Variants in CNTN2 observed in about 807,000 individuals in gnomAD.
The protein encoded by CNTN2 is contactin-2.
In CNTN2, 53 loss-of-function variants were observed where a neutral mutation model predicts 117.5. The observed-to-expected ratio is 0.45, with a 90% CI of 0.36 to 0.57. The LOEUF is 0.57. Ranked by LOEUF, CNTN2 falls within the 20% of genes least tolerant of loss-of-function variation. The probability of loss-of-function intolerance (pLI) is 0.00; values close to 1 mark genes in which losing one functional copy is unlikely to be tolerated. For missense variants in CNTN2, 1,106 were observed against 1,404.3 expected, an observed-to-expected ratio of 0.79 and a Z score of 3.39; for synonymous variants, 530 against 561.7, an observed-to-expected ratio of 0.94 and a Z score of 0.80.
At chr1:205,063,866 G>C (rs1372910607) in intron 10 of CNTN2, among the ~76,000 whole-genome samples, 1 of 151,838 alleles carries the variant, frequency 6.6e-6, no homozygotes, top group African/African-American at 2.4e-5. Context: ...CAAAGCTCTG[G>C]AGGCAGGAAA....
chr1:205,048,700 G>A lies in CNTN2; in HGVS notation c.-86-4400G>A, dbSNP rs116082426. 2.5e-3 allele frequency among the ~76,000 whole-genome samples: 388 copies of A among 152,304 alleles called. 1 individual carries two copies. Among genetic ancestry groups the A allele is most frequent in the Non-Finnish European group, 4.3e-3 (291 of 68,026 alleles). ...AGATGGTATGGGGAGATGACTGATC[G>A]GTGAACTCATGAGCGCATTCTAGGC... On this transcript the variant is annotated intron_variant, in intron 1 of 22. Transcript: ENST00000331830. This position sits in a 1 kb window ranked among gnomAD's most constrained non-coding sequence, Gnocchi z 4.1.
Position 205,058,719 on chromosome 1 carries a change from C to A in CNTN2, c.487+56C>A. 7.3e-7 allele frequency: 1 copy of A among 1,374,144 alleles called. No individual in the cohort carries two copies. The highest frequency in any genetic ancestry group is 1.0e-6 in the Non-Finnish European group (1 of 982,582). The allele number at this position is 1,374,144 out of a possible 1,614,324, so 85.1% of individuals were successfully genotyped here. A position where few individuals can be genotyped will look rare whatever the true frequency, so the allele number is the denominator to read the frequency against. ...AGGGCACAGGAAGGGCTTCCAGATG[C>A]TTGGCAGAGGAAGGATGGAATAAAA... On this transcript the variant is annotated intron_variant, in intron 5 of 22. Coordinates refer to ENST00000331830, the MANE Select transcript of CNTN2 (RefSeq NM_005076.5). This position sits in a 1 kb window ranked among gnomAD's most constrained non-coding sequence, Gnocchi z 4.3.
At chr1:205,068,749 G>A (rs1174670230) in intron 16 of CNTN2, 1 of 152,214 alleles carries the variant, frequency 6.6e-6, no homozygotes, top group Non-Finnish European at 1.5e-5. Context: ...TGGCCAATGT[G>A]TTTAAGTACC....
At position 205,053,133 on chromosome 1, in the gene CNTN2, A is replaced by G; in HGVS notation, c.-53A>G. 2 of 1,473,082 alleles carry G rather than the reference A, an allele frequency of 1.4e-6. No individual in the cohort carries two copies. Among genetic ancestry groups the G allele is most frequent in the Admixed American group, 3.7e-5 (2 of 54,546 alleles). 91.3% of individuals were successfully genotyped at this position (1,473,082 alleles called of 1,614,324 possible). A position where few individuals can be genotyped will look rare whatever the true frequency, so the allele number is the denominator to read the frequency against. The stretch of plus-strand genomic sequence containing the variant: ...TCAGCCTCCAGCTGGGCTGTCCCCA[A>G]GCTGAGCTGAGGCTCTTCTCCTCCG... On this transcript the variant is annotated 5_prime_UTR_variant, in exon 2 of 23. Coordinates refer to ENST00000331830, the MANE Select transcript of CNTN2 (RefSeq NM_005076.5).
chr1:205,071,678 G>A (rs2151199745), intron 19 of CNTN2, among the ~76,000 whole-genome samples: 1 of 152,290 alleles, frequency 6.6e-6, no homozygotes, highest in East Asian at 1.9e-4. Flanking sequence ...GGTTCCAGCA[G>A]GCCATTGCTA....
At chr1:205,057,571 T>C in intron 2 of CNTN2, 1 of 177,278 alleles carries the variant, frequency 5.6e-6, no homozygotes, top group Non-Finnish European at 1.2e-5. Flanking sequence ...CTTAATCATC[T>C]TTACAAGCCA....
At chr1:205,066,244 A>C in intron 14 of CNTN2, 197 bp from the exon 15 acceptor site, 1 of 640,790 alleles carries the variant, frequency 1.6e-6, no homozygotes, top group Non-Finnish European at 2.7e-6. Flanking sequence ...GCCTTGAGAC[A>C]CATCCCTCCA....
intron 1 of CNTN2, among the ~76,000 whole-genome samples, chr1:205,047,788 A>T (rs555864521): frequency 2.6e-5 from 4 of 152,124 alleles, no homozygotes; most frequent in Non-Finnish European, 1.5e-5. Flanking sequence ...GAGATTTCTC[A>T]GTTCTAAGAT....
rs775748644 is a variant in CNTN2 at position 205,065,765 on chromosome 1, G to A, written c.1696-24G>A. On this transcript the variant is annotated intron_variant, in intron 13 of 22. Transcript: ENST00000331830. This position sits in a 1 kb window ranked among gnomAD's most constrained non-coding sequence, Gnocchi z 4.1. ...GTCAGGGCCGGTGGTCTGACCTGCTGCCCCTAACTGTCCCCGTGTGCAGAA... is the reference window on the plus strand; with the variant it reads ...GTCAGGGCCGGTGGTCTGACCTGCTACCCCTAACTGTCCCCGTGTGCAGAA... 4 of 1,613,636 alleles carry A rather than the reference G, an allele frequency of 2.5e-6. No homozygotes were observed. Among genetic ancestry groups the A allele is most frequent in the Non-Finnish European group, 3.4e-6 (4 of 1,179,944 alleles).
chr1:205,074,079 A>G lies in CNTN2; in HGVS notation c.*314A>G, dbSNP rs1236871126. On this transcript the variant is annotated 3_prime_UTR_variant, in exon 23 of 23. Coordinates refer to ENST00000331830, the MANE Select transcript of CNTN2 (RefSeq NM_005076.5). Reference sequence around the variant, plus strand: ...ATGGGAAGAAGGGGGTTTTAAAAACATGTCTTCAACTCAGCAGAGATGGCC... The same window carrying G: ...ATGGGAAGAAGGGGGTTTTAAAAACGTGTCTTCAACTCAGCAGAGATGGCC... 2 of 572,044 alleles carry G rather than the reference A, an allele frequency of 3.5e-6. No individual in the cohort carries two copies. Among genetic ancestry groups the G allele is most frequent in the Non-Finnish European group, 6.2e-6 (2 of 322,562 alleles). The allele number at this position is 572,044 out of a possible 1,614,324, so 35.4% of individuals were successfully genotyped here. A position where few individuals can be genotyped will look rare whatever the true frequency, so the allele number is the denominator to read the frequency against.
rs2151203877 is a variant in CNTN2 at position 205,077,529 on chromosome 1, G to A, written c.*3764G>A. The A allele has an allele frequency of 6.6e-6, 1 of 152,342 alleles. No individual in the cohort carries two copies. Among genetic ancestry groups the A allele is most frequent in the South Asian group, 2.1e-4 (1 of 4,824 alleles). The allele number at this position is 152,342 out of a possible 1,614,324, so 9.4% of individuals were successfully genotyped here. On this transcript the variant is annotated 3_prime_UTR_variant, in exon 23 of 23. Coordinates refer to ENST00000331830, the MANE Select transcript of CNTN2 (RefSeq NM_005076.5). ...GGATGTGATGGGGATTGCCAGAGAG[G>A]CTCTTAGCATAAAAGGCATTAGGTG...
rs1349394076 is a variant in CNTN2 at position 205,069,567 on chromosome 1, C to T, written c.2196+6C>T. 2 of 1,612,262 alleles carry T rather than the reference C, an allele frequency of 1.2e-6. No individual in the cohort carries two copies. The highest frequency in any genetic ancestry group is 1.7e-6 in the Non-Finnish European group (2 of 1,179,916). ...AGCTCATCGTCAACTGGACGGTAAG[C>T]TGCAAGGGTCAGATGTCCTCCTCCT... is the stretch of plus-strand genomic sequence containing the variant. On this transcript the variant is annotated splice_donor_region_variant and intron_variant, in intron 17 of 22. Transcript: ENST00000331830.
At chr1:205,063,284 C>G (rs1654085539) in intron 10 of CNTN2, 1 of 152,082 alleles carries the variant, frequency 6.6e-6, no homozygotes, top group Non-Finnish European at 1.5e-5. Flanking sequence ...ACAAATAAAC[C>G]CCAAATCAAA....
intron 2 of CNTN2, among the ~76,000 whole-genome samples, chr1:205,053,887 A>T (rs1035176441): frequency 6.8e-6 from 1 of 147,924 alleles, no homozygotes; most frequent in Non-Finnish European, 1.5e-5. Context: ...GCGGCAGACG[A>T]GGGAGCTGAG....
intron 1 of CNTN2, among the ~76,000 whole-genome samples, chr1:205,049,413 A>G (rs2096448427): frequency 6.6e-6 from 1 of 150,938 alleles, no homozygotes; most frequent in Admixed American, 6.6e-5. Context: ...ACATATATGT[A>G]TATCACACAT....
rs1452250559 is a variant in CNTN2, at chr1:205,065,439, C to T, written c.1695+177C>T. 1.3e-5 allele frequency among the ~76,000 whole-genome samples: 2 copies of T among 152,152 alleles called. No homozygotes were observed. Among genetic ancestry groups the T allele is most frequent in the African/African-American group, 4.8e-5 (2 of 41,420 alleles). ...GAACAGCTGACCTTCCTGGATTCCA[C>T]CCAGGGACCATGCATTTAGGAGAGG... On this transcript the variant is annotated intron_variant, in intron 13 of 22. Coordinates refer to ENST00000331830, the MANE Select transcript of CNTN2 (RefSeq NM_005076.5). The surrounding 1 kb of genome is among the most constrained non-coding windows in gnomAD (Gnocchi z 4.1).
chr1:205,068,287 C>T (rs1322324179), intron 16 of CNTN2: 1 of 152,162 alleles, frequency 6.6e-6, no homozygotes, highest in East Asian at 1.9e-4. Context: ...GATTAAGGAC[C>T]CTGCCTCACC....
At chr1:205,069,737 C>T in intron 17 of CNTN2, 90 bp from the exon 18 acceptor site, 1 of 1,482,442 alleles carries the variant, frequency 6.7e-7, no homozygotes, top group Non-Finnish European at 9.3e-7. Context: ...CGTCCAGGGC[C>T]GCTACTCTTG....
In CNTN2 at chr1:205,044,033, C is replaced by T. The variant is rs113902282; in HGVS notation, c.-87+639C>T. 2.9e-3 allele frequency among the ~76,000 whole-genome samples: 442 copies of T among 152,240 alleles called. 1 individual carries two copies. Among genetic ancestry groups the T allele is most frequent in the African/African-American group, 0.01 (420 of 41,558 alleles). On this transcript the variant is annotated intron_variant, in intron 1 of 22. Transcript: ENST00000331830. ...CCAAAGGGCGAGAGGCTGGGGCTACCGGGCTGAAATTCCTTTCCTTCCCTT... is the reference window on the plus strand; with the variant it reads ...CCAAAGGGCGAGAGGCTGGGGCTACTGGGCTGAAATTCCTTTCCTTCCCTT...
Sources: allele counts gnomAD v4.1 joint callset (sites outside exome capture counted in the v4.1 genomes callset), GRCh38; gene constraint gnomAD v4.1.1; non-coding constraint Gnocchi (gnomAD v3.1); transcripts MANE v1.5; gene names NCBI Gene and HGNC (gene_info 2026-07-23, HGNC 2026-07-21).